The following HAND2 variants were observed in gnomAD, a reference collection of about 807,000 sequenced individuals.
HAND2 encodes heart and neural crest derivatives expressed 2, also known as heart- and neural crest derivatives-expressed protein 2.
Under a neutral mutation model 14.7 loss-of-function variants are expected in HAND2, and 2 were observed. The observed-to-expected ratio is 0.14, with a 90% CI of 0.06 to 0.43. The LOEUF is 0.43. Ranked by LOEUF, HAND2 falls within the 20% of genes least tolerant of loss-of-function variation. The probability of loss-of-function intolerance (pLI) is 0.99; values close to 1 mark genes in which losing one functional copy is unlikely to be tolerated. For synonymous variants in HAND2, 162 were observed against 135.9 expected, an observed-to-expected ratio of 1.19 and a Z score of -1.34; for missense variants, 275 against 313.6, an observed-to-expected ratio of 0.88 and a Z score of 0.93.
rs1468849926 is a variant in HAND2, at chr4:173,528,329, G to A, written c.555+406C>T. 4.9e-6 allele frequency: 1 copy of A among 204,976 alleles called. No homozygotes were observed. The highest frequency in any genetic ancestry group is 9.9e-6 in the Non-Finnish European group (1 of 101,202). 12.7% of individuals were successfully genotyped at this position (204,976 alleles called of 1,614,324 possible). ...CAATAGTGAAATAATTGGAATCAAG[G>A]GCTTCTTCGAGACTTATTCTGGAAA... On this transcript the variant is annotated intron_variant, in intron 1 of 1. Coordinates refer to ENST00000359562, the MANE Select transcript of HAND2 (RefSeq NM_021973.3). This position sits in a 1 kb window ranked among gnomAD's most constrained non-coding sequence, Gnocchi z 5.6.
At position 173,529,338 on chromosome 4, in the gene HAND2, C is replaced by G. The variant is rs538887873; in HGVS notation, c.-49G>C. Reference sequence around the variant, plus strand: ...CGCCCCAGCGTGCGCGCAGCCCCGCCGCGCCCTCGGCCCGGGCCCCTGCCT... The same window carrying G: ...CGCCCCAGCGTGCGCGCAGCCCCGCGGCGCCCTCGGCCCGGGCCCCTGCCT... On this transcript the variant is annotated 5_prime_UTR_variant, in exon 1 of 2. Transcript: ENST00000359562. The G allele has an allele frequency of 4.1e-5, 52 of 1,257,702 alleles. No individual in the cohort carries two copies. In the Admixed American group the frequency reaches 1.9e-3, roughly 45 times the overall value. The allele number at this position is 1,257,702 out of a possible 1,614,324, so 77.9% of individuals were successfully genotyped here. A position where few individuals can be genotyped will look rare whatever the true frequency, so the allele number is the denominator to read the frequency against.
chr4:173,527,441 A>T, intron 1 of HAND2, 66 bp from the exon 2 acceptor site: 1 of 1,097,514 alleles, frequency 9.1e-7, no homozygotes, highest in Non-Finnish European at 1.4e-6. Context: ...ACCTGGTTCC[A>T]CACCAACCCG....
chr4:173,528,421 G>C lies in HAND2; in HGVS notation c.555+314C>G, dbSNP rs1316663496. 1 of 420,040 alleles carries C rather than the reference G, an allele frequency of 2.4e-6. No individual in the cohort carries two copies. Among genetic ancestry groups the C allele is most frequent in the Non-Finnish European group, 4.4e-6 (1 of 224,988 alleles). 26.0% of individuals were successfully genotyped at this position (420,040 alleles called of 1,614,324 possible). On this transcript the variant is annotated intron_variant, in intron 1 of 1. Coordinates refer to ENST00000359562, the MANE Select transcript of HAND2 (RefSeq NM_021973.3). This position sits in a 1 kb window ranked among gnomAD's most constrained non-coding sequence, Gnocchi z 5.6. ...TAACAGAGACGGGGTGAGGCATCCA[G>C]ACCAGTGCGATCGCGATCGATCGCG... is the stretch of plus-strand genomic sequence containing the variant.
Position 173,527,373 on chromosome 4 carries a change from G to A in HAND2, c.558C>T (p.Asn186=). The change falls in exon 2 of 2, where the codon AAC becomes AAT. Residue 186 remains asparagine, a splice_region_variant and synonymous_variant. Coordinates refer to ENST00000359562, the MANE Select transcript of HAND2 (RefSeq NM_021973.3). ...TGCTCACTGTGCTTTTCAAGATTTC[G>A]TTCTGGACAGAGGAAAGGCGAGGGC... ...VKEEKRKKEL[N]EILKSTVSSN... The A allele has an allele frequency of 6.2e-7, 1 of 1,609,968 alleles. No individual in the cohort carries two copies. Among genetic ancestry groups the A allele is most frequent in the Non-Finnish European group, 8.5e-7 (1 of 1,176,352 alleles).
intron 1 of HAND2, 196 bp from the exon 2 acceptor site, chr4:173,527,571 C>T: frequency 1.2e-5 from 7 of 608,046 alleles, no homozygotes; most frequent in Admixed American, 2.8e-5. Flanking sequence ...GAGGCCTCGG[C>T]GCTGCAGCGC....
Position 173,529,143 on chromosome 4 carries a change from G to T in HAND2, c.147C>A (p.Gly49=). 1.4e-6 allele frequency: 2 copies of T among 1,478,590 alleles called. No individual in the cohort carries two copies. The highest frequency in any genetic ancestry group is 1.8e-6 in the Non-Finnish European group (2 of 1,125,228). 91.6% of individuals were successfully genotyped at this position (1,478,590 alleles called of 1,614,324 possible). Residue 49 remains glycine (G), a synonymous_variant, in exon 1 of 2, where the codon GGC becomes GGA. Coordinates refer to ENST00000359562, the MANE Select transcript of HAND2 (RefSeq NM_021973.3). ...ENPYFHGWLI[G]HPEMSPPDYS... Reference sequence around the variant, plus strand: ...AGTCGGGGGGCGACATCTCGGGGTGGCCGATGAGCCAGCCATGGAAGTAGG... The same window carrying T: ...AGTCGGGGGGCGACATCTCGGGGTGTCCGATGAGCCAGCCATGGAAGTAGG...
rs1229508620 is a variant in HAND2, at chr4:173,529,408, G to A, written c.-119C>T. 3.7e-6 allele frequency: 2 copies of A among 543,776 alleles called. No homozygotes were observed. The highest frequency in any genetic ancestry group is 9.7e-5 in the South Asian group (1 of 10,360). 33.7% of individuals were successfully genotyped at this position (543,776 alleles called of 1,614,324 possible). A position where few individuals can be genotyped will look rare whatever the true frequency, so the allele number is the denominator to read the frequency against. Reference sequence around the variant, plus strand: ...CCACCCCCCACCCCCCAGCCCCCGGGCGCCCGGGCCCGCCCGGCAGCCGCA... The same window carrying A: ...CCACCCCCCACCCCCCAGCCCCCGGACGCCCGGGCCCGCCCGGCAGCCGCA... On this transcript the variant is annotated 5_prime_UTR_variant, in exon 1 of 2. Transcript: ENST00000359562.
Position 173,529,686 on chromosome 4 carries a change from C to G in HAND2, c.-397G>C, listed in dbSNP as rs1731650250. Reference sequence around the variant, plus strand: ...CAAAGGTGCCGGGGCTCCCGCGAGGCTGGTACGCGGAGTCTCGGGAATCCA... The same window carrying G: ...CAAAGGTGCCGGGGCTCCCGCGAGGGTGGTACGCGGAGTCTCGGGAATCCA... On this transcript the variant is annotated 5_prime_UTR_variant, in exon 1 of 2. Coordinates refer to ENST00000359562, the MANE Select transcript of HAND2 (RefSeq NM_021973.3). 1 of 152,322 alleles carries G rather than the reference C, an allele frequency of 6.6e-6. No individual in the cohort carries two copies. Among genetic ancestry groups the G allele is most frequent in the African/African-American group, 2.4e-5 (1 of 41,430 alleles). The allele number at this position is 152,322 out of a possible 1,614,324, so 9.4% of individuals were successfully genotyped here.
chr4:173,527,154 A>G lies in HAND2; in HGVS notation c.*123T>C. On this transcript the variant is annotated 3_prime_UTR_variant, in exon 2 of 2. Coordinates refer to ENST00000359562, the MANE Select transcript of HAND2 (RefSeq NM_021973.3). ...AGGAAATTGCACATAAATAAACCGG[A>G]TGATTCCAAATGCAAGGAGTCCTCA... 1.3e-6 allele frequency: 1 copy of G among 741,286 alleles called. No individual in the cohort carries two copies. The highest frequency in any genetic ancestry group is 1.4e-5 in the South Asian group (1 of 70,720). 45.9% of individuals were successfully genotyped at this position (741,286 alleles called of 1,614,324 possible).
Position 173,527,200 on chromosome 4 carries a change from T to C in HAND2, c.*77A>G. ...CCTCAGAGCGGAGCGCGGACGGCTTTTCCGGAGTCCTGGGTCTGCATCTGG... is the reference window on the plus strand; with the variant it reads ...CCTCAGAGCGGAGCGCGGACGGCTTCTCCGGAGTCCTGGGTCTGCATCTGG... On this transcript the variant is annotated 3_prime_UTR_variant, in exon 2 of 2. Transcript: ENST00000359562. 1.0e-6 allele frequency: 1 copy of C among 965,306 alleles called. No individual in the cohort carries two copies. The highest frequency in any genetic ancestry group is 1.7e-6 in the Non-Finnish European group (1 of 597,990). 59.8% of individuals were successfully genotyped at this position (965,306 alleles called of 1,614,324 possible). A position where few individuals can be genotyped will look rare whatever the true frequency, so the allele number is the denominator to read the frequency against.
rs1731611913 is a variant in HAND2, at chr4:173,529,192, C to G, written c.98G>C (p.Ser33Thr). ...GGGGTTCTCCTCATGGCTGCAGCGGCTGGCGGCGGCGGCGGCAGCTGCGGC... is the reference window on the plus strand; with the variant it reads ...GGGGTTCTCCTCATGGCTGCAGCGGGTGGCGGCGGCGGCGGCAGCTGCGGC... ...AAAAAAAAAA[S>T]RCSHEENPYF... Residue 33 changes from serine (S) to threonine (T), a missense_variant, in exon 1 of 2, where the codon AGC (serine) becomes ACC (threonine). By Grantham distance (58) the Ser-to-Thr change is moderately conservative (BLOSUM62 1). Around this residue, in one of 4 missense-constraint regions of HAND2, gnomAD observed 175 missense variants for 157.1 expected, o/e 1.11. Coordinates refer to ENST00000359562, the MANE Select transcript of HAND2 (RefSeq NM_021973.3). The G allele has an allele frequency of 1.4e-6, 2 of 1,440,542 alleles. No homozygotes were observed. The highest frequency in any genetic ancestry group is 3.0e-5 in the African/African-American group (2 of 66,768). 89.2% of individuals were successfully genotyped at this position (1,440,542 alleles called of 1,614,324 possible). A position where few individuals can be genotyped will look rare whatever the true frequency, so the allele number is the denominator to read the frequency against.
chr4:173,529,166 A>G lies in HAND2; in HGVS notation c.124T>C (p.Tyr42His). 1 of 1,474,834 alleles carries G rather than the reference A, an allele frequency of 6.8e-7. No homozygotes were observed. Among genetic ancestry groups the G allele is most frequent in the Non-Finnish European group, 8.9e-7 (1 of 1,123,414 alleles). 91.4% of individuals were successfully genotyped at this position (1,474,834 alleles called of 1,614,324 possible). ...TGGCCGATGAGCCAGCCATGGAAGT[A>G]GGGGTTCTCCTCATGGCTGCAGCGG... Reference protein sequence around the residue: ...ASRCSHEENPYFHGWLIGHPE... With the variant: ...ASRCSHEENPHFHGWLIGHPE... The change falls in exon 1 of 2, where the codon TAC (tyrosine) becomes CAC (histidine). Residue 42 changes from tyrosine (Y) to histidine (H), a missense_variant. Physicochemically the swap from Tyr to His is moderately conservative, Grantham distance 83 (BLOSUM62 2). Around this residue, in one of 4 missense-constraint regions of HAND2, gnomAD observed 175 missense variants for 157.1 expected, o/e 1.11. Coordinates refer to ENST00000359562, the MANE Select transcript of HAND2 (RefSeq NM_021973.3).
intron 1 of HAND2, 79 bp from the exon 2 acceptor site, chr4:173,527,454 G>A: frequency 1.1e-6 from 1 of 943,480 alleles, no homozygotes; most frequent in Non-Finnish European, 1.7e-6. Context: ...CCAACCCGGA[G>A]CTTCCTGCGC....
Position 173,530,096 on chromosome 4 carries a change from A to G in HAND2, c.-807T>C, listed in dbSNP as rs527432210. The G allele has an allele frequency of 6.6e-6, 1 of 151,922 alleles. No individual in the cohort carries two copies. The highest frequency in any genetic ancestry group is 1.9e-4 in the East Asian group (1 of 5,152). 9.4% of individuals were successfully genotyped at this position (151,922 alleles called of 1,614,324 possible). On this transcript the variant is annotated 5_prime_UTR_variant, in exon 1 of 2. Transcript: ENST00000359562. The surrounding 1 kb of genome is among the most constrained non-coding windows in gnomAD (Gnocchi z 6.2). ...GCCCTGAATGAGCCTTGGAGCTCGA[A>G]GACCGCGGCTCGGGCTCTCGGAGGG...
In HAND2 at chr4:173,528,531, C is replaced by A; in HGVS notation, c.555+204G>T. 1 of 629,454 alleles carries A rather than the reference C, an allele frequency of 1.6e-6. No homozygotes were observed. The highest frequency in any genetic ancestry group is 1.9e-5 in the South Asian group (1 of 52,476). 39.0% of individuals were successfully genotyped at this position (629,454 alleles called of 1,614,324 possible). On this transcript the variant is annotated intron_variant, in intron 1 of 1. Transcript: ENST00000359562. This position sits in a 1 kb window ranked among gnomAD's most constrained non-coding sequence, Gnocchi z 5.6. ...GATCACCAGCGCAAAGCATCCCTAA[C>A]CTTCTCCTCCTCCTGCTGACACCCT...
rs62341031 is a variant in HAND2, at chr4:173,529,865, T to C, written c.-576A>G. On this transcript the variant is annotated 5_prime_UTR_variant, in exon 1 of 2. Coordinates refer to ENST00000359562, the MANE Select transcript of HAND2 (RefSeq NM_021973.3). ...CGTGCGACCCTCCCCTTCCCGCCTC[T>C]TCCCCTCCCCCCACCAGCCCGATCT... 6.6e-6 allele frequency: 1 copy of C among 151,998 alleles called. No homozygotes were observed. The highest frequency in any genetic ancestry group is 1.5e-5 in the Non-Finnish European group (1 of 68,052). The allele number at this position is 151,998 out of a possible 1,614,324, so 9.4% of individuals were successfully genotyped here.
In HAND2 at chr4:173,528,631, C is replaced by G; in HGVS notation, c.555+104G>C. On this transcript the variant is annotated intron_variant, in intron 1 of 1. Coordinates refer to ENST00000359562, the MANE Select transcript of HAND2 (RefSeq NM_021973.3). This position sits in a 1 kb window ranked among gnomAD's most constrained non-coding sequence, Gnocchi z 5.6. ...CAAACAACCTTGAAGCGGGACGCAG[C>G]CAAAGAACACGAGATGCCATTTCTC... 1 of 1,395,756 alleles carries G rather than the reference C, an allele frequency of 7.2e-7. No homozygotes were observed. The highest frequency in any genetic ancestry group is 9.8e-7 in the Non-Finnish European group (1 of 1,017,454). The allele number at this position is 1,395,756 out of a possible 1,614,324, so 86.5% of individuals were successfully genotyped here. A position where few individuals can be genotyped will look rare whatever the true frequency, so the allele number is the denominator to read the frequency against.
At position 173,529,196 on chromosome 4, in the gene HAND2, C is replaced by A; in HGVS notation, c.94G>T (p.Ala32Ser). 1.4e-6 allele frequency: 2 copies of A among 1,410,984 alleles called. No homozygotes were observed. Among genetic ancestry groups the A allele is most frequent in the Non-Finnish European group, 1.8e-6 (2 of 1,088,336 alleles). 87.4% of individuals were successfully genotyped at this position (1,410,984 alleles called of 1,614,324 possible). ...TTCTCCTCATGGCTGCAGCGGCTGG[C>A]GGCGGCGGCGGCAGCTGCGGCGGCG... ...AAAAAAAAAAASRCSHEENPY... is the reference protein window; with the variant it reads ...AAAAAAAAAASSRCSHEENPY... The change falls in exon 1 of 2, where the codon GCC (alanine) becomes TCC (serine). Residue 32 changes from alanine to serine, a missense_variant. Coordinates refer to ENST00000359562, the MANE Select transcript of HAND2 (RefSeq NM_021973.3).
At position 173,528,285 on chromosome 4, in the gene HAND2, G is replaced by T. The variant is rs968152792; in HGVS notation, c.555+450C>A. Reference sequence around the variant, plus strand: ...AGTCTCTGGCAGCCTCCTTCTGGGAGTGGGGTAGGGGGTGCGATCAATAGT... The same window carrying T: ...AGTCTCTGGCAGCCTCCTTCTGGGATTGGGGTAGGGGGTGCGATCAATAGT... On this transcript the variant is annotated intron_variant, in intron 1 of 1. Coordinates refer to ENST00000359562, the MANE Select transcript of HAND2 (RefSeq NM_021973.3). The surrounding 1 kb of genome is among the most constrained non-coding windows in gnomAD (Gnocchi z 5.6). 2.4e-5 allele frequency: 4 copies of T among 166,030 alleles called. No homozygotes were observed. The highest frequency in any genetic ancestry group is 3.9e-5 in the Non-Finnish European group (3 of 76,770). 10.3% of individuals were successfully genotyped at this position (166,030 alleles called of 1,614,324 possible). A position where few individuals can be genotyped will look rare whatever the true frequency, so the allele number is the denominator to read the frequency against.
Sources: gnomAD v4.1 joint callset for allele counts on GRCh38, gnomAD v4.1.1 for gene constraint, gnomAD v4.1.1 regional missense constraint, Gnocchi (gnomAD v3.1) non-coding constraint, MANE v1.5 for transcripts, NCBI Gene and HGNC (gene_info 2026-07-23, HGNC 2026-07-21) for gene names.